The following PIWIL1 variants were observed in gnomAD, a reference collection of about 807,000 sequenced individuals.
PIWIL1 encodes the protein piwi-like protein 1.
A neutral mutation model predicts 114.4 loss-of-function variants in PIWIL1; 73 were observed. The observed-to-expected ratio is 0.64, with a 90% CI of 0.53 to 0.78. PIWIL1 has a LOEUF of 0.78. PIWIL1 is among the 30% of genes least tolerant of loss of function. The pLI, the probability that PIWIL1 is intolerant of heterozygous loss-of-function variation, is 0.00. For synonymous variants in PIWIL1, 375 were observed against 369.0 expected (o/e 1.02, Z -0.19); for missense variants, 723 against 1,063.1 (o/e 0.68, Z 4.45).
chr12:130,399,252 A>AGAT, the PIWIL1 span: 1 of 704,634 alleles, frequency 1.4e-6, no homozygotes, highest in East Asian at 4.0e-5. Flanking sequence ...AATAAAAATG[A>AGAT]GATACTAAAC....
chr12:130,349,149 C>A, intron 7 of PIWIL1, 90 bp from the exon 8 acceptor site: 1 of 830,168 alleles, frequency 1.2e-6, no homozygotes, highest in East Asian at 2.5e-5. Flanking sequence ...ATAGTTTAGA[C>A]CCAGTTAATA....
At chr12:130,369,579 G>C (rs2073763430) in intron 19 of PIWIL1, among the ~76,000 whole-genome samples, 1 of 152,044 alleles carries the variant, frequency 6.6e-6, no homozygotes, top group African/African-American at 2.4e-5. Flanking sequence ...TTTAATAATA[G>C]CTATTCTGAC....
chr12:130,421,967 G>A, the PIWIL1 span, among the ~76,000 whole-genome samples: 2 of 152,342 alleles, frequency 1.3e-5, no homozygotes, highest in South Asian at 2.1e-4. Flanking sequence ...CCAGATGGAT[G>A]TGGGGAGCAC....
the PIWIL1 span, among the ~76,000 whole-genome samples, chr12:130,379,172 C>T: frequency 1.9e-4 from 29 of 152,228 alleles, no homozygotes; most frequent in African/African-American, 6.8e-4. Context: ...GTGAGATAGA[C>T]TTACTTTAAT....
rs765027419 is a variant in PIWIL1 at position 130,346,927 on chromosome 12, C to T, written c.532-14C>T. 12 of 1,606,202 alleles carry T rather than the reference C, an allele frequency of 7.5e-6. No homozygotes were observed. The highest frequency in any genetic ancestry group is 1.0e-5 in the Non-Finnish European group (12 of 1,178,118). On this transcript the variant is annotated splice_polypyrimidine_tract_variant and intron_variant, in intron 5 of 20. Coordinates refer to ENST00000245255, the MANE Select transcript of PIWIL1 (RefSeq NM_004764.5). The stretch of plus-strand genomic sequence containing the variant: ...AGGATTTAAAGTTTGGGTTTTCCAC[C>T]TCTCTGGCTTCAGGTTACTGAAGTT...
chr12:130,340,664 T>TGGG (rs2072893833), intron 1 of PIWIL1, among the ~76,000 whole-genome samples: 3 of 124,818 alleles, frequency 2.4e-5, no homozygotes, highest in Admixed American at 7.9e-5. Flanking sequence ...GGGGGGTTGG[T>TGGG]GGTGGTGGTG....
At chr12:130,349,782 C>T in intron 8 of PIWIL1, 74 bp from the exon 9 acceptor site, 1 of 840,434 alleles carries the variant, frequency 1.2e-6, no homozygotes, top group Non-Finnish European at 1.9e-6. Context: ...AGAATACATG[C>T]TGTCTAGTCT....
chr12:130,338,876 G>A (rs2072806952), intron 1 of PIWIL1, among the ~76,000 whole-genome samples: 1 of 147,034 alleles, frequency 6.8e-6, no homozygotes, highest in African/African-American at 2.5e-5. Flanking sequence ...AGGGGCCGGG[G>A]TGCGGGGGCG....
In PIWIL1 at chr12:130,340,302, G is replaced by A. The variant is rs77078301; in HGVS notation, c.-13+2156G>A. On this transcript the variant is annotated intron_variant, in intron 1 of 20. Coordinates refer to ENST00000245255, the MANE Select transcript of PIWIL1 (RefSeq NM_004764.5). ...AGTCTCAAGCGGATGCTTTCAGATT[G>A]ATTTGTAGATCAGCAGTCCCCAGTC... Among the ~76,000 whole-genome samples the A allele has an allele frequency of 7.1e-3, 1,080 of 152,186 alleles. 11 individuals are homozygous for A. Among genetic ancestry groups the A allele is most frequent in the East Asian group, 0.052 (268 of 5,152 alleles).
chr12:130,403,569 T>C, the PIWIL1 span, among the ~76,000 whole-genome samples: 1 of 152,226 alleles, frequency 6.6e-6, no homozygotes, highest in African/African-American at 2.4e-5. Context: ...TAAAAACTTT[T>C]GTGCAACTGC....
the PIWIL1 span, among the ~76,000 whole-genome samples, chr12:130,402,203 C>T: frequency 5.3e-5 from 8 of 152,156 alleles, no homozygotes; most frequent in Admixed American, 3.9e-4. Context: ...ACTGCTTTGG[C>T]CTAAGTTCCG....
In PIWIL1 at chr12:130,371,667, CTT is replaced by C; in HGVS notation, c.*77_*78del. 3 of 979,802 alleles carry C rather than the reference CTT, an allele frequency of 3.1e-6. No individual in the cohort carries two copies. Among genetic ancestry groups the C allele is most frequent in the Non-Finnish European group, 4.7e-6 (3 of 643,396 alleles). The allele number at this position is 979,802 out of a possible 1,614,324, so 60.7% of individuals were successfully genotyped here. On this transcript the variant is annotated 3_prime_UTR_variant, in exon 21 of 21. Transcript: ENST00000245255. ...TGGGATTTTTTTAAGCTTTTATTTA[CTT>C]TTTTTTTAACTGTTATCTTTCTGGA...
chr12:130,417,906 T>C, the PIWIL1 span, among the ~76,000 whole-genome samples: 1 of 152,032 alleles, frequency 6.6e-6, no homozygotes, highest in African/African-American at 2.4e-5. Flanking sequence ...GGTCTGATCA[T>C]GGGAGGTGGT....
intron 9 of PIWIL1, 136 bp from the exon 10 acceptor site, chr12:130,354,401 C>A: frequency 1.8e-6 from 2 of 1,133,300 alleles, no homozygotes; most frequent in Non-Finnish European, 2.6e-6. Flanking sequence ...CTTTTTAAAA[C>A]TTTACTCTGA....
chr12:130,390,443 A>C, the PIWIL1 span, among the ~76,000 whole-genome samples: 1 of 152,198 alleles, frequency 6.6e-6, no homozygotes, highest in Admixed American at 6.5e-5. Flanking sequence ...CATAAAAATA[A>C]TATCTTGCTT....
the PIWIL1 span, among the ~76,000 whole-genome samples, chr12:130,381,580 A>C: frequency 1.3e-5 from 2 of 152,142 alleles, no homozygotes; most frequent in African/African-American, 4.8e-5. Context: ...AGTCATCTTG[A>C]TTGCTTCCAA....
rs142575619 is a variant in PIWIL1, at chr12:130,357,394, G to A, written c.1593-87G>A. 4,241 of 950,284 alleles carry A rather than the reference G, an allele frequency of 4.5e-3. 19 individuals carry two copies. The highest frequency in any genetic ancestry group is 0.011 in the Middle Eastern group (52 of 4,646). 58.9% of individuals were successfully genotyped at this position (950,284 alleles called of 1,614,324 possible). A position where few individuals can be genotyped will look rare whatever the true frequency, so the allele number is the denominator to read the frequency against. Reference sequence around the variant, plus strand: ...TTGATTTCATGTTTTATACGGAAACGTTTCCTGTGTTACACAGGAAGGTGT... The same window carrying A: ...TTGATTTCATGTTTTATACGGAAACATTTCCTGTGTTACACAGGAAGGTGT... On this transcript the variant is annotated intron_variant, in intron 13 of 20. Transcript: ENST00000245255.
At chr12:130,395,233 A>G in the PIWIL1 span, among the ~76,000 whole-genome samples, 1 of 152,198 alleles carries the variant, frequency 6.6e-6, no homozygotes, top group African/African-American at 2.4e-5. Context: ...GGTAATGGAG[A>G]GCTTCCTAAC....
At chr12:130,422,037 G>A in the PIWIL1 span, among the ~76,000 whole-genome samples, 8 of 152,194 alleles carry the variant, frequency 5.3e-5, no homozygotes, top group African/African-American at 9.6e-5. The surrounding 1 kb of genome is among the most constrained non-coding windows in gnomAD (Gnocchi z 5.2). Context: ...TGCTGCCAGC[G>A]TGTCTTCTGC....
Sources: gnomAD v4.1 joint callset for allele counts (sites outside exome capture counted in the v4.1 genomes callset) on GRCh38, gnomAD v4.1.1 for gene constraint, Gnocchi (gnomAD v3.1) non-coding constraint, MANE v1.5 for transcripts, NCBI Gene and HGNC (gene_info 2026-07-23, HGNC 2026-07-21) for gene names.